The following CCSER1 variants were observed in gnomAD, a reference collection of about 807,000 sequenced individuals.
The protein encoded by CCSER1 is coiled-coil serine rich protein 1.
Under a neutral mutation model 82.0 loss-of-function variants are expected in CCSER1, and 41 were observed. The observed-to-expected ratio is 0.50, with a 90% confidence interval of 0.39 to 0.65. The LOEUF (loss-of-function observed/expected upper bound fraction) is 0.65, where lower values mean the gene tolerates loss of function less well. Among genes scored for constraint, CCSER1 ranks in the 30% least tolerant of loss-of-function variants. The probability of loss-of-function intolerance (pLI) is 0.00; values close to 1 mark genes in which losing one functional copy is unlikely to be tolerated. For missense variants in CCSER1, 1,119 were observed against 1,064.2 expected, an observed-to-expected ratio of 1.05 and a Z score of -0.72; for synonymous variants, 414 against 383.9, an observed-to-expected ratio of 1.08 and a Z score of -0.92.
Position 90,446,425 on chromosome 4 carries a change from C to CTAA in CCSER1, c.1604-21809_1604-21808insTAA, listed in dbSNP as rs1560529774. On this transcript the variant is annotated intron_variant, in intron 4 of 10. Transcript: ENST00000509176. Reference sequence around the variant, plus strand: ...AACTAAAGACTAATCAACTATGTCTCGTAACCTGAGAGAGATTCTTGATAT... The same window carrying CTAA: ...AACTAAAGACTAATCAACTATGTCTCTAAGTAACCTGAGAGAGATTCTTGATAT... Among the ~76,000 whole-genome samples the CTAA allele has an allele frequency of 3.3e-5, 5 of 152,182 alleles. No homozygotes were observed. In the East Asian group the frequency reaches 9.6e-4, roughly 29 times the overall value.
chr4:91,380,846 G>T (rs560127028), intron 10 of CCSER1, among the ~76,000 whole-genome samples: 1 of 152,186 alleles, frequency 6.6e-6, no homozygotes, highest in Non-Finnish European at 1.5e-5. Flanking sequence ...CAGCATGAAT[G>T]TTCTTTACAA....
chr4:90,363,455 C>T (rs1157651584), intron 3 of CCSER1, among the ~76,000 whole-genome samples: 1 of 152,076 alleles, frequency 6.6e-6, no homozygotes, highest in Non-Finnish European at 1.5e-5. Context: ...ACCTAAAGTA[C>T]ACCAGATCTG....
intron 10 of CCSER1, among the ~76,000 whole-genome samples, chr4:91,111,301 C>T (rs929746482): frequency 6.6e-6 from 1 of 151,882 alleles, no homozygotes; most frequent in Non-Finnish European, 1.5e-5. Flanking sequence ...ATAAATAAGG[C>T]TGATTCAGGT....
intron 8 of CCSER1, among the ~76,000 whole-genome samples, chr4:90,914,226 T>C (rs998981544): frequency 2.0e-5 from 3 of 152,162 alleles, no homozygotes; most frequent in African/African-American, 4.8e-5. Flanking sequence ...TATTCCAAAA[T>C]TGACCACATA....
chr4:90,623,518 C>T (rs1358727046), intron 5 of CCSER1, among the ~76,000 whole-genome samples: 1 of 152,166 alleles, frequency 6.6e-6, no homozygotes, highest in Non-Finnish European at 1.5e-5. Flanking sequence ...ATGAAACAAC[C>T]TTGTTGGCTA....
At chr4:90,691,843 C>T (rs866725360) in intron 6 of CCSER1, among the ~76,000 whole-genome samples, 1 of 151,662 alleles carries the variant, frequency 6.6e-6, no homozygotes, top group Non-Finnish European at 1.5e-5. Flanking sequence ...TCAATCCTCA[C>T]CCCCATTCTA....
chr4:91,572,691 A>T (rs566291871), intron 10 of CCSER1, among the ~76,000 whole-genome samples: 1 of 151,706 alleles, frequency 6.6e-6, no homozygotes, highest in East Asian at 2.0e-4. Flanking sequence ...GCTGGGCATG[A>T]TGGCTTATAT....
intron 10 of CCSER1, among the ~76,000 whole-genome samples, chr4:91,345,690 C>A (rs1748009068): frequency 6.6e-6 from 1 of 152,070 alleles, no homozygotes; most frequent in Non-Finnish European, 1.5e-5. Context: ...TTGTTATAAA[C>A]CAAACTCCAT....
chr4:90,378,735 C>T (rs555730344), intron 3 of CCSER1, among the ~76,000 whole-genome samples: 264 of 152,200 alleles, frequency 1.7e-3, no homozygotes, highest in Non-Finnish European at 2.9e-3. Flanking sequence ...CACCTGGTTT[C>T]TGACATAGTT....
intron 5 of CCSER1, among the ~76,000 whole-genome samples, chr4:90,625,328 A>G (rs1042619123): frequency 3.9e-5 from 6 of 152,162 alleles, no homozygotes; most frequent in African/African-American, 1.4e-4. Context: ...AATAATGGCT[A>G]TTGATCAAAA....
chr4:90,246,696 C>T lies in CCSER1; in HGVS notation c.-41-61548C>T, dbSNP rs114740544. ...ACTTTCTAATTCCCAACATATGTACCTATGATAAAGTTTAATATATAAATT... is the reference window on the plus strand; with the variant it reads ...ACTTTCTAATTCCCAACATATGTACTTATGATAAAGTTTAATATATAAATT... On this transcript the variant is annotated intron_variant, in intron 1 of 10. Transcript: ENST00000509176. Among the ~76,000 whole-genome samples the T allele has an allele frequency of 6.8e-3, 1,037 of 152,118 alleles. 9 individuals are homozygous for T. The highest frequency in any genetic ancestry group is 0.024 in the African/African-American group (1,004 of 41,470).
intron 1 of CCSER1, among the ~76,000 whole-genome samples, chr4:90,245,178 T>C (rs1435283451): frequency 3.9e-5 from 6 of 152,334 alleles, no homozygotes; most frequent in African/African-American, 1.4e-4. Context: ...TATATTTTTC[T>C]GAATTTTTAG....
chr4:90,215,547 A>G (rs1740851668), intron 1 of CCSER1, among the ~76,000 whole-genome samples: 2 of 152,020 alleles, frequency 1.3e-5, no homozygotes, highest in Admixed American at 1.3e-4. Flanking sequence ...AACACCATTT[A>G]TCTCAGTTTA....
At chr4:91,449,976 A>G (rs1416514634) in intron 10 of CCSER1, among the ~76,000 whole-genome samples, 7 of 152,000 alleles carry the variant, frequency 4.6e-5, no homozygotes, top group Non-Finnish European at 1.0e-4. Context: ...TTTTTATTTC[A>G]TTTTATGTTT....
chr4:90,914,776 A>G (rs112490196), intron 8 of CCSER1, among the ~76,000 whole-genome samples: 1 of 152,042 alleles, frequency 6.6e-6, no homozygotes, highest in African/African-American at 2.4e-5. Context: ...AGCAATACTA[A>G]TAAAGAAGAA....
chr4:90,675,119 G>A (rs1733590340), intron 6 of CCSER1, among the ~76,000 whole-genome samples: 1 of 151,888 alleles, frequency 6.6e-6, no homozygotes, highest in Non-Finnish European at 1.5e-5. Flanking sequence ...TTTCGTCATT[G>A]ATGAATAGTG....
intron 7 of CCSER1, chr4:90,780,711 C>T: frequency 7.7e-7 from 1 of 1,303,116 alleles, no homozygotes; most frequent in Non-Finnish European, 9.7e-7. Context: ...GTCAGGAGGC[C>T]TCCTTGCTCC....
At chr4:90,481,278 A>T (rs1031525850) in intron 5 of CCSER1, among the ~76,000 whole-genome samples, 3 of 152,130 alleles carry the variant, frequency 2.0e-5, no homozygotes, top group Non-Finnish European at 4.4e-5. Context: ...GGGCTGAGAC[A>T]ATGGGGTTTT....
chr4:91,322,398 T>G (rs1416795342), intron 10 of CCSER1, among the ~76,000 whole-genome samples: 1 of 152,040 alleles, frequency 6.6e-6, no homozygotes. Flanking sequence ...GATGTCCAAG[T>G]GTTTAAGTCA....
Sources: gnomAD v4.1 joint callset for allele counts (sites outside exome capture counted in the v4.1 genomes callset) on GRCh38, gnomAD v4.1.1 for gene constraint, MANE v1.5 for transcripts, NCBI Gene and HGNC (gene_info 2026-07-23, HGNC 2026-07-21) for gene names.